Variants in GLIPR1L2 observed in about 807,000 individuals in gnomAD.
The protein encoded by GLIPR1L2 is GLIPR1 like 2, also known as GLIPR1-like protein 2.
GLIPR1L2 carries 21 observed loss-of-function variants against 28.4 expected under a neutral mutation model. The ratio of observed to expected loss-of-function variants is 0.74; its 90% CI spans 0.52 to 1.06. The LOEUF (loss-of-function observed/expected upper bound fraction) is 1.06. GLIPR1L2 is among the 50% of genes least tolerant of loss of function. GLIPR1L2 has a pLI of 0.00. For synonymous variants in GLIPR1L2, 145 were observed against 139.3 expected (o/e 1.04, Z -0.29); for missense variants, 476 against 416.9 (o/e 1.14, Z -1.23).
intron 1 of GLIPR1L2, among the ~76,000 whole-genome samples, chr12:75,397,650 T>C (rs1438253980): frequency 1.3e-5 from 2 of 152,212 alleles, no homozygotes; most frequent in African/African-American, 4.8e-5. Flanking sequence ...TGTTTGGGTA[T>C]TCTCAGCATA....
rs770439759 is a variant in GLIPR1L2 at position 75,391,090 on chromosome 12, C to T, written c.-27C>T. On this transcript the variant is annotated 5_prime_UTR_variant, in exon 1 of 6. Coordinates refer to ENST00000550916, the MANE Select transcript of GLIPR1L2 (RefSeq NM_001270396.2). Reference sequence around the variant, plus strand: ...GTCACTGGGACGGCCAGCGCGTGCGCACTGGCCTGTCAGCGGCCGGTGGAC... The same window carrying T: ...GTCACTGGGACGGCCAGCGCGTGCGTACTGGCCTGTCAGCGGCCGGTGGAC... 2 of 1,546,448 alleles carry T rather than the reference C, an allele frequency of 1.3e-6. No individual in the cohort carries two copies. Among genetic ancestry groups the T allele is most frequent in the South Asian group, 1.1e-5 (1 of 89,510 alleles).
At chr12:75,398,060 G>T (rs1445721464) in intron 1 of GLIPR1L2, among the ~76,000 whole-genome samples, 2 of 151,460 alleles carry the variant, frequency 1.3e-5, no homozygotes, top group Non-Finnish European at 2.9e-5. Context: ...GCCGGGAGCG[G>T]TGGCTCACGC....
In GLIPR1L2 at chr12:75,410,474, G is replaced by C. The variant is rs144818804; in HGVS notation, c.275G>C (p.Gly92Ala). The change falls in exon 2 of 6, where the codon GGA (glycine) becomes GCA (alanine). Residue 92 changes from glycine (G) to alanine (A), a missense_variant. Gly to Ala is a moderately conservative substitution (Grantham distance 60). Transcript: ENST00000550916. Reference protein sequence around the residue: ...VALSRTARAWGKKCLFTHNIY... With the variant: ...VALSRTARAWAKKCLFTHNIY... The stretch of plus-strand genomic sequence containing the variant: ...TTATCACGGACTGCTAGAGCATGGG[G>C]AAAAAAATGTTTGTTTACGCATAAT... 256 of 1,609,186 alleles carry C rather than the reference G, an allele frequency of 1.6e-4. No homozygotes were observed. The African/African-American group carries it at 2.6e-3, about 16-fold the overall frequency.
intron 3 of GLIPR1L2, among the ~76,000 whole-genome samples, chr12:75,420,061 G>A (rs1343427688): frequency 1.3e-5 from 2 of 152,218 alleles, no homozygotes; most frequent in African/African-American, 4.8e-5. Flanking sequence ...AGTCAGTGTT[G>A]TGATACATAA....
chr12:75,403,475 G>C (rs115478439), intron 1 of GLIPR1L2, among the ~76,000 whole-genome samples: 2,570 of 151,994 alleles, frequency 0.017, 71 homozygotes, highest in African/African-American at 0.058. Flanking sequence ...TTCTCTCCTG[G>C]GAGCTTTTCA....
chr12:75,413,292 A>C (rs2045889385), intron 2 of GLIPR1L2, among the ~76,000 whole-genome samples: 1 of 151,778 alleles, frequency 6.6e-6, no homozygotes, highest in Non-Finnish European at 1.5e-5. Context: ...ACATGTATAC[A>C]TATGTAACAA....
chr12:75,427,281 A>T (rs942640349), intron 4 of GLIPR1L2, among the ~76,000 whole-genome samples: 1 of 152,214 alleles, frequency 6.6e-6, no homozygotes, highest in African/African-American at 2.4e-5. Context: ...GATGCAAAGA[A>T]TAAACATACT....
chr12:75,418,054 T>C (rs2045940442), intron 3 of GLIPR1L2, among the ~76,000 whole-genome samples: 1 of 152,104 alleles, frequency 6.6e-6, no homozygotes, highest in Non-Finnish European at 1.5e-5. Context: ...ACAAGACCTT[T>C]CATTTAGTTA....
intron 4 of GLIPR1L2, chr12:75,423,828 T>G (rs2046005366): frequency 6.6e-6 from 1 of 152,248 alleles, no homozygotes. Flanking sequence ...TTTGGTTTTC[T>G]GTTCTTGTGA....
intron 1 of GLIPR1L2, among the ~76,000 whole-genome samples, chr12:75,395,757 C>T (rs975910361): frequency 3.3e-5 from 5 of 151,938 alleles, no homozygotes; most frequent in African/African-American, 1.2e-4. Context: ...AGTCTTCTGT[C>T]TTTATTTCTT....
intron 3 of GLIPR1L2, among the ~76,000 whole-genome samples, chr12:75,415,095 T>C (rs754082071): frequency 6.6e-6 from 1 of 151,968 alleles, no homozygotes; most frequent in Non-Finnish European, 1.5e-5. Flanking sequence ...TGTATAAAAA[T>C]CTCAGAGATT....
At chr12:75,410,775 T>A in intron 2 of GLIPR1L2, 96 bp downstream of exon 2, 5 of 906,642 alleles carry the variant, frequency 5.5e-6, no homozygotes. Context: ...ACTCAAATAA[T>A]AAAATTATCA....
At position 75,398,345 on chromosome 12, in the gene GLIPR1L2, A is replaced by C. The variant is rs915019902; in HGVS notation, c.234+6995A>C. Among the ~76,000 whole-genome samples the C allele has an allele frequency of 4.0e-5, 6 of 151,868 alleles. No individual in the cohort carries two copies. The East Asian group carries it at 9.6e-4, about 24-fold the overall frequency. Reference sequence around the variant, plus strand: ...CTCCATCTCAAAAAAAAAAAAAAAAAAAAAAACTTTTATCATATAAAGATT... The same window carrying C: ...CTCCATCTCAAAAAAAAAAAAAAAACAAAAAACTTTTATCATATAAAGATT... On this transcript the variant is annotated intron_variant, in intron 1 of 5. Coordinates refer to ENST00000550916, the MANE Select transcript of GLIPR1L2 (RefSeq NM_001270396.2).
At chr12:75,413,112 G>A (rs958090413) in intron 2 of GLIPR1L2, among the ~76,000 whole-genome samples, 26 of 149,796 alleles carry the variant, frequency 1.7e-4, no homozygotes, top group Admixed American at 4.0e-4. Context: ...ACCAAACACC[G>A]CATGTTCTCA....
At chr12:75,399,441 A>G (rs1204475340) in intron 1 of GLIPR1L2, among the ~76,000 whole-genome samples, 1 of 152,210 alleles carries the variant, frequency 6.6e-6, no homozygotes, top group Non-Finnish European at 1.5e-5. Context: ...CAGACAAGAC[A>G]ACAAAACTAT....
intron 1 of GLIPR1L2, among the ~76,000 whole-genome samples, chr12:75,400,826 T>A (rs577588369): frequency 1.6e-4 from 25 of 152,272 alleles, no homozygotes; most frequent in Middle Eastern, 3.4e-3. Context: ...CAGTATTTAG[T>A]GTATTAGGGC....
Position 75,422,803 on chromosome 12 carries a change from G to C in GLIPR1L2, c.585-101G>C, listed in dbSNP as rs532170452. ...TTCCTTAAGTCCAGTTTCTTAACCC[G>C]CCTTTTTAACCTGATTAAAAATTAG... On this transcript the variant is annotated intron_variant, in intron 3 of 5. Transcript: ENST00000550916. 2.4e-4 allele frequency: 221 copies of C among 913,216 alleles called. 3 individuals are homozygous for C. The South Asian group carries it at 3.3e-3, about 14-fold the overall frequency. 56.6% of individuals were successfully genotyped at this position (913,216 alleles called of 1,614,324 possible). A position where few individuals can be genotyped will look rare whatever the true frequency, so the allele number is the denominator to read the frequency against.
intron 4 of GLIPR1L2, among the ~76,000 whole-genome samples, chr12:75,424,615 T>TA (rs2046014800): frequency 2.0e-5 from 3 of 151,942 alleles, no homozygotes; most frequent in African/African-American, 7.3e-5. Context: ...CCAGCTAATT[T>TA]TTTTTTTTAT....
chr12:75,430,792 A>T, intron 5 of GLIPR1L2, 32 bp from the exon 6 acceptor site: 1 of 1,532,802 alleles, frequency 6.5e-7, no homozygotes, highest in East Asian at 2.4e-5. Context: ...CTTTATATGA[A>T]ATCCAGCTTT....
Sources: gnomAD v4.1 joint callset for allele counts (sites outside exome capture counted in the v4.1 genomes callset) on GRCh38, gnomAD v4.1.1 for gene constraint, MANE v1.5 for transcripts, NCBI Gene and HGNC (gene_info 2026-07-23, HGNC 2026-07-21) for gene names.